Variants in SOX9 observed in about 807,000 individuals in gnomAD.
The protein encoded by SOX9 is transcription factor SOX-9.
Under a neutral mutation model 44.8 loss-of-function variants are expected in SOX9, and 2 were observed. The ratio of observed to expected loss-of-function variants is 0.04; its 90% confidence interval spans 0.02 to 0.14. SOX9 has a LOEUF of 0.14. Ranked by LOEUF, SOX9 falls within the 10% of genes least tolerant of loss-of-function variation. SOX9 has a pLI of 1.00. For synonymous variants in SOX9, 381 were observed against 331.8 expected (o/e 1.15, Z -1.61); for missense variants, 583 against 728.6 (o/e 0.80, Z 2.30).
rs2143249905 is a variant in SOX9 at position 72,123,525 on chromosome 17, T to C, written c.686-18T>C. 6.2e-7 allele frequency: 1 copy of C among 1,614,046 alleles called. No individual in the cohort carries two copies. Among genetic ancestry groups the C allele is most frequent in the Non-Finnish European group, 8.5e-7 (1 of 1,179,978 alleles). On this transcript the variant is annotated intron_variant, in intron 2 of 2. Coordinates refer to ENST00000245479, the MANE Select transcript of SOX9 (RefSeq NM_000346.4). This position sits in a 1 kb window ranked among gnomAD's most constrained non-coding sequence, Gnocchi z 6.5. ...GCCCTTGTTGATTTTCTCGTGCTTG[T>C]TCTTTTATTGTCCACAGGGCAATCC... is the stretch of plus-strand genomic sequence containing the variant.
In SOX9 at chr17:72,124,509, T is replaced by G. The variant is rs1908223068; in HGVS notation, c.*122T>G. On this transcript the variant is annotated 3_prime_UTR_variant, in exon 3 of 3. Coordinates refer to ENST00000245479, the MANE Select transcript of SOX9 (RefSeq NM_000346.4). This position sits in a 1 kb window ranked among gnomAD's most constrained non-coding sequence, Gnocchi z 4.6. ...TTTTTGTTTTTTTATTTTGTTTTGT[T>G]TTTTCTTCTTCTTCTTCTTCCTTAA... 5 of 1,250,892 alleles carry G rather than the reference T, an allele frequency of 4.0e-6. No homozygotes were observed. In the Admixed American group the frequency reaches 9.7e-5, roughly 24 times the overall value. The allele number at this position is 1,250,892 out of a possible 1,614,324, so 77.5% of individuals were successfully genotyped here.
At position 72,121,374 on chromosome 17, in the gene SOX9, C is replaced by T. The variant is rs1391046509; in HGVS notation, c.-18C>T. The T allele has an allele frequency of 3.1e-6, 5 of 1,610,972 alleles. No individual in the cohort carries two copies. The highest frequency in any genetic ancestry group is 3.4e-6 in the Non-Finnish European group (4 of 1,178,866). Reference sequence around the variant, plus strand: ...TCTCGCCTTTCCCGGCCACCAGCCCCCTGCCCCGGGCCCGCGTATGAATCT... The same window carrying T: ...TCTCGCCTTTCCCGGCCACCAGCCCTCTGCCCCGGGCCCGCGTATGAATCT... On this transcript the variant is annotated 5_prime_UTR_variant, in exon 1 of 3. Coordinates refer to ENST00000245479, the MANE Select transcript of SOX9 (RefSeq NM_000346.4). The surrounding 1 kb of genome is among the most constrained non-coding windows in gnomAD (Gnocchi z 8.3).
At position 72,123,591 on chromosome 17, in the gene SOX9, T is replaced by C. The variant is rs2143250510; in HGVS notation, c.734T>C (p.Val245Ala). The part of the protein sequence containing the change: ...PTPPTTPKTD[V>A]QPGKADLKRE... ...CCACCCACCACCCCCAAAACCGACG[T>C]GCAGCCGGGCAAGGCTGACCTGAAG... The change falls in exon 3 of 3, where the codon GTG becomes GCG. Residue 245 changes from valine to alanine, a missense_variant. Physicochemically the swap from Val to Ala is moderately conservative, Grantham distance 64 (BLOSUM62 0). Around this residue, in one of 7 missense-constraint regions of SOX9, gnomAD observed 349 missense variants for 387.0 expected, o/e 0.90. Transcript: ENST00000245479. This position sits in a 1 kb window ranked among gnomAD's most constrained non-coding sequence, Gnocchi z 6.5. 6.5e-7 allele frequency: 1 copy of C among 1,536,440 alleles called. No homozygotes were observed. Among genetic ancestry groups the C allele is most frequent in the South Asian group, 1.1e-5 (1 of 89,888 alleles).
rs1032537335 is a variant in SOX9 at position 72,123,413 on chromosome 17, C to A, written c.686-130C>A. On this transcript the variant is annotated intron_variant, in intron 2 of 2. Transcript: ENST00000245479. This position sits in a 1 kb window ranked among gnomAD's most constrained non-coding sequence, Gnocchi z 6.5. ...TGGGCGACTTATCTCCGGTGCAGCG[C>A]GCCTCTTGCGCGGGTGCGGGCCCTT... 1.0e-5 allele frequency: 13 copies of A among 1,260,628 alleles called. No individual in the cohort carries two copies. The highest frequency in any genetic ancestry group is 2.7e-4 in the Middle Eastern group (1 of 3,664). The allele number at this position is 1,260,628 out of a possible 1,614,324, so 78.1% of individuals were successfully genotyped here. A position where few individuals can be genotyped will look rare whatever the true frequency, so the allele number is the denominator to read the frequency against.
At position 72,126,271 on chromosome 17, in the gene SOX9, T is replaced by C. The variant is rs1044054299; in HGVS notation, c.*1884T>C. 8.6e-6 allele frequency: 2 copies of C among 233,078 alleles called. No individual in the cohort carries two copies. The highest frequency in any genetic ancestry group is 4.4e-5 in the African/African-American group (2 of 45,298). 14.4% of individuals were successfully genotyped at this position (233,078 alleles called of 1,614,324 possible). On this transcript the variant is annotated 3_prime_UTR_variant, in exon 3 of 3. Transcript: ENST00000245479. ...TTTTGTCTTTAGGTAAAAGCTTTGG[T>C]TTGTGTTCGTGTTTTGTTTGTTTCA...
Position 72,126,100 on chromosome 17 carries a change from T to A in SOX9, c.*1713T>A, listed in dbSNP as rs547622959. 3 of 232,234 alleles carry A rather than the reference T, an allele frequency of 1.3e-5. No individual in the cohort carries two copies. Among genetic ancestry groups the A allele is most frequent in the African/African-American group, 6.6e-5 (3 of 45,332 alleles). 14.4% of individuals were successfully genotyped at this position (232,234 alleles called of 1,614,324 possible). A position where few individuals can be genotyped will look rare whatever the true frequency, so the allele number is the denominator to read the frequency against. ...AAGACAGCAAACTTTTTTTTTTATT[T>A]AAAAAAAGATATATTAACAGTTTTA... is the stretch of plus-strand genomic sequence containing the variant. On this transcript the variant is annotated 3_prime_UTR_variant, in exon 3 of 3. Transcript: ENST00000245479.
Position 72,125,313 on chromosome 17 carries a change from T to C in SOX9, c.*926T>C, listed in dbSNP as rs74999341. On this transcript the variant is annotated 3_prime_UTR_variant, in exon 3 of 3. Coordinates refer to ENST00000245479, the MANE Select transcript of SOX9 (RefSeq NM_000346.4). ...CTGCCTTTGCTTGTTCACTGCAGTC[T>C]TAAGAAAGAGGTAAAAGGCAAGCAA... 8,654 of 227,938 alleles carry C rather than the reference T, an allele frequency of 0.038. 326 individuals carry two copies. The highest frequency in any genetic ancestry group is 0.1 in the Admixed American group (1,823 of 17,552). 14.1% of individuals were successfully genotyped at this position (227,938 alleles called of 1,614,324 possible).
Position 72,121,599 on chromosome 17 carries a change from C to T in SOX9, c.208C>T (p.Pro70Ser), listed in dbSNP as rs1316632405. Reference protein sequence around the residue: ...LKKESEEDKFPVCIREAVSQV... With the variant: ...LKKESEEDKFSVCIREAVSQV... Reference sequence around the variant, plus strand: ...GAAGGAGAGCGAGGAGGACAAGTTCCCCGTGTGCATCCGCGAGGCGGTCAG... The same window carrying T: ...GAAGGAGAGCGAGGAGGACAAGTTCTCCGTGTGCATCCGCGAGGCGGTCAG... The change falls in exon 1 of 3, where the codon CCC (proline) becomes TCC (serine). Residue 70 changes from proline to serine, a missense_variant. This residue lies in a region of SOX9 where 101 missense variants were observed against 98.6 expected (regional missense o/e 1.02). Coordinates refer to ENST00000245479, the MANE Select transcript of SOX9 (RefSeq NM_000346.4). The surrounding 1 kb of genome is among the most constrained non-coding windows in gnomAD (Gnocchi z 8.3). 6.2e-7 allele frequency: 1 copy of T among 1,605,904 alleles called. No individual in the cohort carries two copies. The highest frequency in any genetic ancestry group is 8.5e-7 in the Non-Finnish European group (1 of 1,176,570).
Position 72,124,702 on chromosome 17 carries a change from G to T in SOX9, c.*315G>T. Reference sequence around the variant, plus strand: ...TTTTTAAACCCTCTTCAGAGCAAGCGTGGAGGATGATGGAGAATCGTGTGA... The same window carrying T: ...TTTTTAAACCCTCTTCAGAGCAAGCTTGGAGGATGATGGAGAATCGTGTGA... On this transcript the variant is annotated 3_prime_UTR_variant, in exon 3 of 3. Transcript: ENST00000245479. This position sits in a 1 kb window ranked among gnomAD's most constrained non-coding sequence, Gnocchi z 4.6. 2.0e-6 allele frequency: 1 copy of T among 497,428 alleles called. No individual in the cohort carries two copies. The highest frequency in any genetic ancestry group is 3.7e-6 in the Non-Finnish European group (1 of 271,736). The allele number at this position is 497,428 out of a possible 1,614,324, so 30.8% of individuals were successfully genotyped here.
rs966322887 is a variant in SOX9, at chr17:72,123,037, C to T, written c.685+65C>T. 1.3e-6 allele frequency: 2 copies of T among 1,586,274 alleles called. No homozygotes were observed. The highest frequency in any genetic ancestry group is 2.7e-5 in the African/African-American group (2 of 74,718). ...TCCCGCCTGGCACACCCCCTGCCCT[C>T]CGCCTGGGAGATTCTTCGTGGGGAC... On this transcript the variant is annotated intron_variant, in intron 2 of 2. Coordinates refer to ENST00000245479, the MANE Select transcript of SOX9 (RefSeq NM_000346.4). The surrounding 1 kb of genome is among the most constrained non-coding windows in gnomAD (Gnocchi z 6.5).
chr17:72,125,387 G>T lies in SOX9; in HGVS notation c.*1000G>T. On this transcript the variant is annotated 3_prime_UTR_variant, in exon 3 of 3. Coordinates refer to ENST00000245479, the MANE Select transcript of SOX9 (RefSeq NM_000346.4). Reference sequence around the variant, plus strand: ...ATGTTTCAGCAGCCAATAAGTGCCCGAGCACACTGCCCCCGGTTGCCTGCC... The same window carrying T: ...ATGTTTCAGCAGCCAATAAGTGCCCTAGCACACTGCCCCCGGTTGCCTGCC... 1 of 227,854 alleles carries T rather than the reference G, an allele frequency of 4.4e-6. No individual in the cohort carries two copies. The highest frequency in any genetic ancestry group is 6.3e-5 in the East Asian group (1 of 15,874). The allele number at this position is 227,854 out of a possible 1,614,324, so 14.1% of individuals were successfully genotyped here.
At position 72,125,768 on chromosome 17, in the gene SOX9, T is replaced by A. The variant is rs926553836; in HGVS notation, c.*1381T>A. ...GCCTTTTTGTCCATCCCTTTTTTCT[T>A]TGTTGTTTTTGTTGAAAACAAACTG... On this transcript the variant is annotated 3_prime_UTR_variant, in exon 3 of 3. Coordinates refer to ENST00000245479, the MANE Select transcript of SOX9 (RefSeq NM_000346.4). The A allele has an allele frequency of 4.4e-6, 1 of 228,030 alleles. No homozygotes were observed. Among genetic ancestry groups the A allele is most frequent in the Non-Finnish European group, 8.7e-6 (1 of 114,518 alleles). The allele number at this position is 228,030 out of a possible 1,614,324, so 14.1% of individuals were successfully genotyped here. A position where few individuals can be genotyped will look rare whatever the true frequency, so the allele number is the denominator to read the frequency against.
rs1391567311 is a variant in SOX9, at chr17:72,123,527, C to A, written c.686-16C>A. On this transcript the variant is annotated splice_polypyrimidine_tract_variant and intron_variant, in intron 2 of 2. Transcript: ENST00000245479. The surrounding 1 kb of genome is among the most constrained non-coding windows in gnomAD (Gnocchi z 6.5). Reference sequence around the variant, plus strand: ...CCTTGTTGATTTTCTCGTGCTTGTTCTTTTATTGTCCACAGGGCAATCCCA... The same window carrying A: ...CCTTGTTGATTTTCTCGTGCTTGTTATTTTATTGTCCACAGGGCAATCCCA... 1.9e-6 allele frequency: 3 copies of A among 1,614,010 alleles called. No individual in the cohort carries two copies. The highest frequency in any genetic ancestry group is 1.7e-6 in the Non-Finnish European group (2 of 1,180,002).
At position 72,121,056 on chromosome 17, in the gene SOX9, C is replaced by T. The variant is rs1388168132; in HGVS notation, c.-336C>T. ...AGCGGAGCTCGAAACTGACTGGAAA[C>T]TTCAGTGGCGCGGAGACTCGCCAGT... is the stretch of plus-strand genomic sequence containing the variant. On this transcript the variant is annotated 5_prime_UTR_variant, in exon 1 of 3. Transcript: ENST00000245479. This position sits in a 1 kb window ranked among gnomAD's most constrained non-coding sequence, Gnocchi z 8.3. The T allele has an allele frequency of 7.4e-6, 4 of 542,134 alleles. No homozygotes were observed. Among genetic ancestry groups the T allele is most frequent in the East Asian group, 3.2e-5 (1 of 31,574 alleles). 33.6% of individuals were successfully genotyped at this position (542,134 alleles called of 1,614,324 possible).
chr17:72,123,857 G>A lies in SOX9; in HGVS notation c.1000G>A (p.Val334Met), dbSNP rs777735151. 6.3e-7 allele frequency: 1 copy of A among 1,582,192 alleles called. No individual in the cohort carries two copies. Among genetic ancestry groups the A allele is most frequent in the South Asian group, 1.1e-5 (1 of 89,016 alleles). ...TAATPASAGH[V>M]WMSKQQAPPP... Reference sequence around the variant, plus strand: ...GGCCACCCCGGCGAGCGCGGGCCACGTGTGGATGTCCAAGCAGCAGGCGCC... The same window carrying A: ...GGCCACCCCGGCGAGCGCGGGCCACATGTGGATGTCCAAGCAGCAGGCGCC... Residue 334 changes from valine (V) to methionine (M), a missense_variant, in exon 3 of 3, where the codon GTG becomes ATG. By Grantham distance (21) the Val-to-Met change is conservative. This residue lies in a region of SOX9 where 349 missense variants were observed against 387.0 expected (regional missense o/e 0.90). Coordinates refer to ENST00000245479, the MANE Select transcript of SOX9 (RefSeq NM_000346.4). The surrounding 1 kb of genome is among the most constrained non-coding windows in gnomAD (Gnocchi z 6.5).
chr17:72,122,871 A>T lies in SOX9; in HGVS notation c.584A>T (p.Gln195Leu), dbSNP rs1417266505. ...GQAEAEEATE[Q>L]THISPNAIFK... ...GCGGAGGCAGAGGAGGCCACGGAGC[A>T]GACGCACATCTCCCCCAACGCCATC... is the stretch of plus-strand genomic sequence containing the variant. Residue 195 changes from glutamine (Q) to leucine (L), a missense_variant, in exon 2 of 3, where the codon CAG (glutamine) becomes CTG (leucine). Physicochemically the swap from Gln to Leu is moderately radical, Grantham distance 113 (BLOSUM62 -2). This residue lies in a region of SOX9 where 88 missense variants were observed against 65.5 expected (regional missense o/e 1.34). Coordinates refer to ENST00000245479, the MANE Select transcript of SOX9 (RefSeq NM_000346.4). 6.2e-7 allele frequency: 1 copy of T among 1,614,174 alleles called. No individual in the cohort carries two copies. The highest frequency in any genetic ancestry group is 8.5e-7 in the Non-Finnish European group (1 of 1,180,030).
Position 72,123,718 on chromosome 17 carries a change from G to T in SOX9, c.861G>T (p.Glu287Asp). 6.2e-7 allele frequency: 1 copy of T among 1,613,924 alleles called. No homozygotes were observed. The highest frequency in any genetic ancestry group is 8.5e-7 in the Non-Finnish European group (1 of 1,179,908). Residue 287 changes from glutamate to aspartate, a missense_variant, in exon 3 of 3, where the codon GAG becomes GAT. Glu to Asp is a conservative substitution (Grantham distance 45). Around this residue, in one of 7 missense-constraint regions of SOX9, gnomAD observed 349 missense variants for 387.0 expected, o/e 0.90. Coordinates refer to ENST00000245479, the MANE Select transcript of SOX9 (RefSeq NM_000346.4). The surrounding 1 kb of genome is among the most constrained non-coding windows in gnomAD (Gnocchi z 6.5). ...ELSSDVISNI[E>D]TFDVNEFDQY... ...GCAGCGACGTCATCTCCAACATCGA[G>T]ACCTTCGATGTCAACGAGTTTGACC...
At position 72,121,472 on chromosome 17, in the gene SOX9, C is replaced by G. The variant is rs754070157; in HGVS notation, c.81C>G (p.Ser27=). Reference sequence around the variant, plus strand: ...CCGGCGCCCCCAGCCCCACCATGTCCGAGGACTCCGCGGGCTCGCCCTGCC... The same window carrying G: ...CCGGCGCCCCCAGCCCCACCATGTCGGAGGACTCCGCGGGCTCGCCCTGCC... ...GLSGAPSPTM[S]EDSAGSPCPS... The change falls in exon 1 of 3, where the codon TCC becomes TCG. Residue 27 remains serine (S), a synonymous_variant. Coordinates refer to ENST00000245479, the MANE Select transcript of SOX9 (RefSeq NM_000346.4). This position sits in a 1 kb window ranked among gnomAD's most constrained non-coding sequence, Gnocchi z 8.3. 4.3e-6 allele frequency: 7 copies of G among 1,612,612 alleles called. No individual in the cohort carries two copies. The highest frequency in any genetic ancestry group is 3.3e-5 in the Admixed American group (2 of 59,962).
Position 72,121,281 on chromosome 17 carries a change from G to C in SOX9, c.-111G>C. The C allele has an allele frequency of 9.8e-7, 1 of 1,018,880 alleles. No individual in the cohort carries two copies. Among genetic ancestry groups the C allele is most frequent in the Non-Finnish European group, 1.5e-6 (1 of 675,834 alleles). The allele number at this position is 1,018,880 out of a possible 1,614,324, so 63.1% of individuals were successfully genotyped here. On this transcript the variant is annotated 5_prime_UTR_variant, in exon 1 of 3. Coordinates refer to ENST00000245479, the MANE Select transcript of SOX9 (RefSeq NM_000346.4). This position sits in a 1 kb window ranked among gnomAD's most constrained non-coding sequence, Gnocchi z 8.3. ...CGACGCGCCAGCTTCCCCGGGAGCC[G>C]CTTGCTCCGCATCCGGGCAGCCGAG...
Sources: allele counts gnomAD v4.1 joint callset, GRCh38; gene constraint gnomAD v4.1.1; regional missense constraint gnomAD v4.1.1; non-coding constraint Gnocchi (gnomAD v3.1); transcripts MANE v1.5; gene names NCBI Gene and HGNC (gene_info 2026-07-23, HGNC 2026-07-21).